Variants in TBL1X observed in about 807,000 individuals in gnomAD.
TBL1X encodes transducin beta like 1 X-linked.
In TBL1X, 10 loss-of-function variants were observed where a neutral mutation model predicts 50.7. The ratio of observed to expected loss-of-function variants is 0.20; its 90% confidence interval spans 0.12 to 0.33. The LOEUF is 0.33. Among genes scored for constraint, TBL1X ranks in the 10% least tolerant of loss-of-function variants. TBL1X has a pLI of 1.00. For synonymous variants in TBL1X, 190 were observed against 214.7 expected (o/e 0.88, Z 1.01); for missense variants, 340 against 504.4 (o/e 0.67, Z 3.12).
At chrX:9,660,756 G>A (rs1353408499) in intron 5 of TBL1X, among the ~76,000 whole-genome samples, 1 of 112,602 alleles carries the variant, frequency 8.9e-6, no homozygotes. Flanking sequence ...TAGCTGGGTA[G>A]AAGTAGGCAT....
At chrX:9,465,663 G>A (rs1417946222) in intron 1 of TBL1X, among the ~76,000 whole-genome samples, 1 of 112,986 alleles carries the variant, frequency 8.9e-6, no homozygotes, top group African/African-American at 3.2e-5. Context: ...ATACCCCGAG[G>A]TGGCCGCTCC....
chrX:9,672,921 G>A (rs929617665), intron 5 of TBL1X, among the ~76,000 whole-genome samples: 1 of 112,055 alleles, frequency 8.9e-6, no homozygotes, highest in Non-Finnish European at 1.9e-5. Flanking sequence ...ATTTCTGCAG[G>A]CTGGGAGTCC....
chrX:9,674,397 A>C (rs1316973293), intron 5 of TBL1X, among the ~76,000 whole-genome samples: 1 of 110,098 alleles, frequency 9.1e-6, no homozygotes, highest in Admixed American at 9.6e-5. Flanking sequence ...AGTAGCTGGG[A>C]CCACAGGAAT....
intron 7 of TBL1X, among the ~76,000 whole-genome samples, chrX:9,691,292 C>G (rs2083095051): frequency 9.1e-6 from 1 of 109,710 alleles, no homozygotes; most frequent in African/African-American, 3.3e-5. Flanking sequence ...AAAAATTAGC[C>G]TGGTGTGGTG....
chrX:9,677,150 C>T (rs1053288188), intron 5 of TBL1X, among the ~76,000 whole-genome samples: 2 of 111,106 alleles, frequency 1.8e-5, no homozygotes, highest in African/African-American at 6.6e-5. Context: ...TCCCCACCTC[C>T]ACCACCTTGT....
chrX:9,553,054 G>A (rs1390958450), intron 2 of TBL1X, among the ~76,000 whole-genome samples: 1 of 111,295 alleles, frequency 9.0e-6, no homozygotes, highest in Non-Finnish European at 1.9e-5. Context: ...GAGGTGGGAG[G>A]ATTACTGAAG....
At chrX:9,561,660 G>GTGTTCATA (rs1326973173) in intron 2 of TBL1X, among the ~76,000 whole-genome samples, 3 of 112,212 alleles carry the variant, frequency 2.7e-5, no homozygotes, top group African/African-American at 9.7e-5. Flanking sequence ...AGAAATATAC[G>GTGTTCATA]TGTTCATATG....
At chrX:9,678,065 C>T (rs954907335) in intron 5 of TBL1X, among the ~76,000 whole-genome samples, 5 of 112,128 alleles carry the variant, frequency 4.5e-5, no homozygotes, top group African/African-American at 1.6e-4. Context: ...GCTCTCAAGA[C>T]TGGTGTATCA....
intron 2 of TBL1X, among the ~76,000 whole-genome samples, chrX:9,605,517 T>C (rs1287983902): frequency 8.9e-6 from 1 of 112,784 alleles, no homozygotes; most frequent in Non-Finnish European, 1.9e-5. Flanking sequence ...CAGACAAGTT[T>C]AGGATTTACC....
Position 9,692,108 on chromosome X carries a change from T to G in TBL1X, c.750-5T>G. On this transcript the variant is annotated splice_region_variant and splice_polypyrimidine_tract_variant and intron_variant, in intron 8 of 17. Coordinates refer to ENST00000645353, the MANE Select transcript of TBL1X (RefSeq NM_005647.4). The stretch of plus-strand genomic sequence containing the variant: ...ACCAGAGGCTCCTGTGTTTTTATTC[T>G]GTAGATCTGGAGACTCAACTGCAAG... The G allele has an allele frequency of 4.1e-6, 5 of 1,211,776 alleles. No homozygotes were observed. In the South Asian group the frequency reaches 8.8e-5, roughly 21 times the overall value.
At chrX:9,495,289 G>T (rs912610859) in intron 1 of TBL1X, among the ~76,000 whole-genome samples, 1 of 111,566 alleles carries the variant, frequency 9.0e-6, no homozygotes, top group Admixed American at 9.5e-5. Context: ...AGGAATTGTC[G>T]AGGGCGGAGG....
chrX:9,701,940 G>A (rs1309599224), intron 12 of TBL1X, among the ~76,000 whole-genome samples: 2 of 111,949 alleles, frequency 1.8e-5, no homozygotes, highest in East Asian at 2.8e-4. Context: ...AAAGACCATT[G>A]CTGACACCCG....
At chrX:9,613,045 A>T (rs940285499) in intron 2 of TBL1X, among the ~76,000 whole-genome samples, 17 of 111,461 alleles carry the variant, frequency 1.5e-4, no homozygotes, top group Non-Finnish European at 3.0e-4. Context: ...TTACCAAAAA[A>T]AAAAAAGAAA....
chrX:9,506,517 T>G (rs1233416008), intron 2 of TBL1X, among the ~76,000 whole-genome samples: 2 of 111,568 alleles, frequency 1.8e-5, no homozygotes, highest in African/African-American at 6.5e-5. Flanking sequence ...CAGGAGCTGG[T>G]TTTTTGAAAA....
chrX:9,692,326 A>G, intron 9 of TBL1X, 72 bp downstream of exon 9: 2 of 1,115,096 alleles, frequency 1.8e-6, no homozygotes, highest in South Asian at 2.2e-5. Context: ...GGGCTGCAGC[A>G]ATGGAGCCCA....
At chrX:9,631,951 C>G (rs2082723766) in intron 2 of TBL1X, among the ~76,000 whole-genome samples, 1 of 112,396 alleles carries the variant, frequency 8.9e-6, no homozygotes, top group Admixed American at 9.4e-5. Flanking sequence ...TGCCATCATT[C>G]TTTGAAAGAT....
intron 7 of TBL1X, among the ~76,000 whole-genome samples, chrX:9,689,170 G>A (rs186715680): frequency 1.6e-3 from 183 of 113,186 alleles, no homozygotes; most frequent in African/African-American, 5.6e-3. Flanking sequence ...TTATTTGAAA[G>A]TTGTTGCCCT....
At chrX:9,626,071 G>T (rs931001254) in intron 2 of TBL1X, among the ~76,000 whole-genome samples, 14 of 112,211 alleles carry the variant, frequency 1.2e-4, no homozygotes, top group Non-Finnish European at 5.6e-5. Context: ...CCTTGTCTTT[G>T]AGATGTCGGG....
intron 5 of TBL1X, 183 bp from the exon 6 acceptor site, chrX:9,683,860 C>CT: frequency 1.7e-6 from 1 of 578,873 alleles, no homozygotes; most frequent in East Asian, 3.5e-5. Context: ...CCCTCCCTCT[C>CT]TCCCTGCCCT....
Sources: allele counts gnomAD v4.1 joint callset (sites outside exome capture counted in the v4.1 genomes callset), GRCh38; gene constraint gnomAD v4.1.1; transcripts MANE v1.5; gene names NCBI Gene and HGNC (gene_info 2026-07-23, HGNC 2026-07-21).